Variants in ADAMTSL1 observed in about 807,000 individuals in gnomAD.
ADAMTSL1 encodes the protein ADAMTS-like protein 1.
Under a neutral mutation model 201.8 loss-of-function variants are expected in ADAMTSL1, and 126 were observed. The observed-to-expected ratio is 0.62, with a 90% CI of 0.54 to 0.72. The LOEUF is 0.72. ADAMTSL1 is among the 30% of genes least tolerant of loss of function. ADAMTSL1 has a pLI of 0.00. For missense variants in ADAMTSL1, 2,679 were observed against 2,277.8 expected (o/e 1.18, Z -3.59); for synonymous variants, 1,121 against 903.4 (o/e 1.24, Z -4.32).
chr9:18,748,290 C>A (rs1819259786), intron 15 of ADAMTSL1, among the ~76,000 whole-genome samples: 1 of 152,166 alleles, frequency 6.6e-6, no homozygotes, highest in Non-Finnish European at 1.5e-5. Context: ...TGTTTACCAC[C>A]CTCCTTATCT....
intron 1 of ADAMTSL1, among the ~76,000 whole-genome samples, chr9:18,008,494 T>A (rs1348983269): frequency 1.3e-5 from 2 of 151,990 alleles, no homozygotes; most frequent in East Asian, 3.9e-4. Flanking sequence ...TTTTGCTTAT[T>A]GTTTATTCCA....
rs1292266768 is a variant in ADAMTSL1, at chr9:18,861,893, C to T, written c.4250-25938C>T. Among the ~76,000 whole-genome samples the T allele has an allele frequency of 2.6e-5, 4 of 152,180 alleles. No individual in the cohort carries two copies. In the East Asian group the frequency reaches 7.7e-4, roughly 29 times the overall value. ...ACTTCAGCTCACCACTCAACTCTCC[C>T]CCGTCTTTACTTCCCTCACATTGTT... On this transcript the variant is annotated intron_variant, in intron 23 of 28. Coordinates refer to ENST00000380548, the MANE Select transcript of ADAMTSL1 (RefSeq NM_001040272.6).
At chr9:18,047,581 G>T (rs1821724428) in intron 1 of ADAMTSL1, among the ~76,000 whole-genome samples, 1 of 152,106 alleles carries the variant, frequency 6.6e-6, no homozygotes, top group Non-Finnish European at 1.5e-5. Context: ...GACCTCTAAA[G>T]AGGGGGCATT....
intron 2 of ADAMTSL1, among the ~76,000 whole-genome samples, chr9:18,314,310 T>A (rs374617366): frequency 6.6e-6 from 1 of 152,292 alleles, no homozygotes; most frequent in East Asian, 1.9e-4. Context: ...AGAACTATTG[T>A]GTCCGGAATT....
At chr9:18,121,056 T>A (rs898734574) in intron 1 of ADAMTSL1, among the ~76,000 whole-genome samples, 5 of 152,170 alleles carry the variant, frequency 3.3e-5, no homozygotes, top group Non-Finnish European at 7.4e-5. Flanking sequence ...AATGACATTT[T>A]AAAAAACCGT....
chr9:18,535,430 C>A (rs182706718), intron 3 of ADAMTSL1, among the ~76,000 whole-genome samples: 6 of 152,246 alleles, frequency 3.9e-5, no homozygotes, highest in African/African-American at 1.4e-4. Flanking sequence ...GTCTTCTGAG[C>A]CCCCCAAGTA....
At chr9:18,711,886 G>A (rs1407232426) in intron 14 of ADAMTSL1, among the ~76,000 whole-genome samples, 1 of 151,642 alleles carries the variant, frequency 6.6e-6, no homozygotes. Context: ...CTCCCAGCAT[G>A]CAGCTGGAGA....
At chr9:18,593,716 C>T (rs1292435029) in intron 4 of ADAMTSL1, among the ~76,000 whole-genome samples, 2 of 151,934 alleles carry the variant, frequency 1.3e-5, no homozygotes, top group African/African-American at 4.8e-5. Context: ...TGTATAGTTT[C>T]CAAAATTCCT....
intron 1 of ADAMTSL1, among the ~76,000 whole-genome samples, chr9:18,144,541 C>T (rs1826546187): frequency 6.6e-6 from 1 of 152,126 alleles, no homozygotes; most frequent in African/African-American, 2.4e-5. Flanking sequence ...TAAACTTACA[C>T]ATATGTAAAA....
chr9:18,905,615 C>T (rs963517588), intron 26 of ADAMTSL1, 167 bp from the exon 27 acceptor site: 18 of 584,960 alleles, frequency 3.1e-5, no homozygotes, highest in East Asian at 1.4e-4. Flanking sequence ...ATAAAGAAAA[C>T]GTATCAGTGA....
chr9:18,006,298 T>C (rs963393715), intron 1 of ADAMTSL1, among the ~76,000 whole-genome samples: 7 of 152,020 alleles, frequency 4.6e-5, no homozygotes, highest in South Asian at 2.1e-4. Context: ...TGAGTACTTA[T>C]TACCTTTAAT....
chr9:18,256,318 C>T (rs1054433127), intron 2 of ADAMTSL1, among the ~76,000 whole-genome samples: 2 of 152,292 alleles, frequency 1.3e-5, no homozygotes, highest in Middle Eastern at 3.4e-3. Flanking sequence ...AGACGCTAGG[C>T]AGGCAATAGG....
rs898269098 is a variant in ADAMTSL1 at position 18,265,854 on chromosome 9, G to A, written c.207+101873G>A. Among the ~76,000 whole-genome samples, 6 of 152,210 alleles carry A rather than the reference G, an allele frequency of 3.9e-5. No individual in the cohort carries two copies. The East Asian group carries it at 7.7e-4, about 20-fold the overall frequency. ...GCAATGTATTATAAGTTTTCAGAAT[G>A]GCACAGGATCAATGATGTTACCTAA... On this transcript the variant is annotated intron_variant, in intron 2 of 29. Transcript: ENST00000680146.
intron 14 of ADAMTSL1, among the ~76,000 whole-genome samples, chr9:18,721,085 G>C (rs1833329225): frequency 6.6e-6 from 1 of 152,234 alleles, no homozygotes; most frequent in Non-Finnish European, 1.5e-5. Context: ...GCAGTTTACA[G>C]AATTCTGGAT....
chr9:18,075,433 C>A (rs966368307), intron 1 of ADAMTSL1, among the ~76,000 whole-genome samples: 10 of 152,234 alleles, frequency 6.6e-5, no homozygotes, highest in Middle Eastern at 3.4e-3. Context: ...GGACTCACCC[C>A]ACCCTATCCC....
chr9:18,217,778 G>A (rs1830106798), intron 2 of ADAMTSL1, among the ~76,000 whole-genome samples: 1 of 152,154 alleles, frequency 6.6e-6, no homozygotes. Context: ...AAATGGAGAT[G>A]TCCTAGAAAT....
intron 1 of ADAMTSL1, among the ~76,000 whole-genome samples, chr9:17,977,067 C>G (rs914819041): frequency 1.4e-4 from 22 of 151,882 alleles, no homozygotes; most frequent in African/African-American, 5.1e-4. Flanking sequence ...GATGCCTTTT[C>G]TTTATTGAAT....
intron 3 of ADAMTSL1, among the ~76,000 whole-genome samples, chr9:18,538,941 A>G (rs1819963255): frequency 6.6e-6 from 1 of 152,174 alleles, no homozygotes; most frequent in Admixed American, 6.5e-5. Flanking sequence ...TTCAGACCAG[A>G]GAAATACCCC....
chr9:18,554,429 A>T (rs1820983191), intron 3 of ADAMTSL1, among the ~76,000 whole-genome samples: 1 of 151,722 alleles, frequency 6.6e-6, no homozygotes, highest in African/African-American at 2.4e-5. Flanking sequence ...CTGGTTTACG[A>T]TGTGTACTTC....
Sources: gnomAD v4.1 joint callset for allele counts (sites outside exome capture counted in the v4.1 genomes callset) on GRCh38, gnomAD v4.1.1 for gene constraint, MANE v1.5 for transcripts, NCBI Gene and HGNC (gene_info 2026-07-23, HGNC 2026-07-21) for gene names.